The following TEAD3 variants were observed in gnomAD, a reference collection of about 807,000 sequenced individuals.
TEAD3 encodes the protein transcriptional enhancer factor TEF-5.
In TEAD3, 15 loss-of-function variants were observed where a neutral mutation model predicts 55.6. The observed-to-expected ratio is 0.27, with a 90% confidence interval of 0.18 to 0.42. The LOEUF (loss-of-function observed/expected upper bound fraction) is 0.42. Ranked by LOEUF, TEAD3 falls within the 10% of genes least tolerant of loss-of-function variation. The probability of loss-of-function intolerance (pLI) is 1.00; values close to 1 mark genes in which losing one functional copy is unlikely to be tolerated. For synonymous variants in TEAD3, 210 were observed against 232.2 expected, an observed-to-expected ratio of 0.90 and a Z score of 0.87; for missense variants, 407 against 576.8, an observed-to-expected ratio of 0.71 and a Z score of 3.01.
chr6:35,478,254 A>G, intron 7 of TEAD3, 21 bp downstream of exon 7: 2 of 1,612,700 alleles, frequency 1.2e-6, no homozygotes, highest in Non-Finnish European at 1.7e-6. Flanking sequence ...AGGGCGTGGG[A>G]TGATGAGCCA....
chr6:35,473,851 G>A (rs1191159906), downstream of TEAD3: 1 of 152,564 alleles, frequency 6.6e-6, no homozygotes, highest in African/African-American at 2.4e-5. Context: ...GGATGAGGAA[G>A]GGAAGGGGCA....
intron 1 of TEAD3, among the ~76,000 whole-genome samples, chr6:35,487,346 G>GT (rs1333014204): frequency 6.6e-6 from 1 of 152,152 alleles, no homozygotes; most frequent in Non-Finnish European, 1.5e-5. Context: ...GAGGTCAGGT[G>GT]TTTGAGACCA....
intron 1 of TEAD3, among the ~76,000 whole-genome samples, chr6:35,492,430 T>C (rs4713874): frequency 0.026 from 4,004 of 151,938 alleles, 79 homozygotes; most frequent in Middle Eastern, 0.071. Flanking sequence ...CAAGTAGGGA[T>C]GTATCTGTCT....
At chr6:35,487,187 A>G (rs1768403075) in intron 1 of TEAD3, among the ~76,000 whole-genome samples, 3 of 152,202 alleles carry the variant, frequency 2.0e-5, no homozygotes, top group South Asian at 4.1e-4. Context: ...TGGGAGGCCG[A>G]GGTGGGTGGA....
Position 35,476,351 on chromosome 6 carries a change from C to T in TEAD3, c.677G>A (p.Arg226Gln), listed in dbSNP as rs369194515. ...CATGAAGGCTGAATACTCCAGGAGCCGCAGCCGGGAGGAGGCAATGGTACG... is the reference window on the plus strand; with the variant it reads ...CATGAAGGCTGAATACTCCAGGAGCTGCAGCCGGGAGGAGGCAATGGTACG... Residue 226 changes from arginine (R) to glutamine (Q), a missense_variant, in exon 9 of 13, where the codon CGG becomes CAG. Physicochemically the swap from Arg to Gln is conservative, Grantham distance 43. Coordinates refer to ENST00000639578, the Ensembl canonical transcript of TEAD3. The T allele has an allele frequency of 9.9e-6, 16 of 1,612,540 alleles. No individual in the cohort carries two copies. Among genetic ancestry groups the T allele is most frequent in the East Asian group, 2.2e-5 (1 of 44,890 alleles).
chr6:35,486,708 G>A lies in TEAD3; in HGVS notation c.-46C>T, dbSNP rs766345913. The A allele has an allele frequency of 1.4e-5, 22 of 1,589,508 alleles. No homozygotes were observed. In the East Asian group the frequency reaches 3.6e-4, roughly 26 times the overall value. On this transcript the variant is annotated 5_prime_UTR_variant, in exon 2 of 13. Transcript: ENST00000639578. The surrounding 1 kb of genome is among the most constrained non-coding windows in gnomAD (Gnocchi z 7.3). ...CTGGGCCTGAGCCCACTGGGCGGCTGAGCCTGGGGGACAGACAGACAGGAA... is the reference window on the plus strand; with the variant it reads ...CTGGGCCTGAGCCCACTGGGCGGCTAAGCCTGGGGGACAGACAGACAGGAA...
rs896450758 is a variant in TEAD3, at chr6:35,496,289, C to T, written c.-50+609G>A. On this transcript the variant is annotated intron_variant, in intron 1 of 12. Coordinates refer to ENST00000639578, the Ensembl canonical transcript of TEAD3. This position sits in a 1 kb window ranked among gnomAD's most constrained non-coding sequence, Gnocchi z 4.8. Reference sequence around the variant, plus strand: ...CTCTGAATCAGCACCCCGACGCAGGCGGCAGAACTGAAGGGAACGTGAGCC... The same window carrying T: ...CTCTGAATCAGCACCCCGACGCAGGTGGCAGAACTGAAGGGAACGTGAGCC... Among the ~76,000 whole-genome samples, 3 of 152,180 alleles carry T rather than the reference C, an allele frequency of 2.0e-5. No individual in the cohort carries two copies. Among genetic ancestry groups the T allele is most frequent in the Non-Finnish European group, 4.4e-5 (3 of 68,032 alleles).
At chr6:35,480,002 C>T in intron 4 of TEAD3, 1 of 1,393,232 alleles carries the variant, frequency 7.2e-7, no homozygotes, top group Non-Finnish European at 9.7e-7. Context: ...AGAGCAGCGA[C>T]AGGCCTGCAC....
intron 4 of TEAD3, chr6:35,479,928 TTG>T: frequency 1.4e-6 from 1 of 725,796 alleles, no homozygotes; most frequent in Non-Finnish European, 2.1e-6. Flanking sequence ...CTGCTGCCAC[TTG>T]TGTTTCTTTC....
chr6:35,492,997 G>A (rs1768561287), intron 1 of TEAD3, among the ~76,000 whole-genome samples: 1 of 152,054 alleles, frequency 6.6e-6, no homozygotes, highest in Admixed American at 6.6e-5. Flanking sequence ...CCAGACTCCT[G>A]GTACTCTGGG....
At position 35,486,431 on chromosome 6, in the gene TEAD3, G is replaced by A. The variant is rs778041319; in HGVS notation, c.202+30C>T. 6 of 1,591,530 alleles carry A rather than the reference G, an allele frequency of 3.8e-6. No homozygotes were observed. The highest frequency in any genetic ancestry group is 2.7e-5 in the African/African-American group (2 of 74,676). ...AGGGCAGAGAGCAGGGGGAAGGGCC[G>A]CAGTCCCGCCCGCGCCCCCCGGCAC... On this transcript the variant is annotated intron_variant, in intron 2 of 12. Coordinates refer to ENST00000639578, the Ensembl canonical transcript of TEAD3. This position sits in a 1 kb window ranked among gnomAD's most constrained non-coding sequence, Gnocchi z 7.3.
At chr6:35,479,920 G>A in intron 4 of TEAD3, 1 of 655,798 alleles carries the variant, frequency 1.5e-6, no homozygotes, top group Admixed American at 3.1e-5. Flanking sequence ...TGGGCTTCCT[G>A]CTGCCACTTG....
rs905544666 is a variant in TEAD3, at chr6:35,485,466, C to T, written c.203-842G>A. Among the ~76,000 whole-genome samples, 18 of 152,196 alleles carry T rather than the reference C, an allele frequency of 1.2e-4. No homozygotes were observed. The highest frequency in any genetic ancestry group is 4.3e-4 in the African/African-American group (18 of 41,440). The stretch of plus-strand genomic sequence containing the variant: ...TGGTCAAGGTGTACACCTCTACCCC[C>T]AAATCCAGGCTCTCTGCCCTCCAAC... On this transcript the variant is annotated intron_variant, in intron 2 of 12. Transcript: ENST00000639578. The surrounding 1 kb of genome is among the most constrained non-coding windows in gnomAD (Gnocchi z 4.3).
In TEAD3 at chr6:35,475,539, A is replaced by T; in HGVS notation, c.1041+27T>A. On this transcript the variant is annotated intron_variant, in intron 11 of 12. Transcript: ENST00000639578. This position sits in a 1 kb window ranked among gnomAD's most constrained non-coding sequence, Gnocchi z 5.4. ...ACTCGGCCTGCCTGCTCCCAGCCCC[A>T]CCAAGCCACCCAGAGCCCCCACTCA... 1 of 1,603,910 alleles carries T rather than the reference A, an allele frequency of 6.2e-7. No homozygotes were observed. The highest frequency in any genetic ancestry group is 2.2e-5 in the East Asian group (1 of 44,712).
intron 3 of TEAD3, 27 bp downstream of exon 4, chr6:35,480,285 A>G (rs1305424214): frequency 6.2e-7 from 1 of 1,611,568 alleles, no homozygotes; most frequent in East Asian, 2.2e-5. Context: ...AGGAGGGCTG[A>G]AGGCCCCCGC....
rs541093272 is a variant in TEAD3 at position 35,485,408 on chromosome 6, T to C, written c.203-784A>G. Among the ~76,000 whole-genome samples, 2 of 152,240 alleles carry C rather than the reference T, an allele frequency of 1.3e-5. No homozygotes were observed. Among genetic ancestry groups the C allele is most frequent in the East Asian group, 3.9e-4 (2 of 5,168 alleles). Reference sequence around the variant, plus strand: ...CAGGGACTTGGGCCTGAAAGGGGGATGCCTGGGCCACACGGCTGAGCCCAA... The same window carrying C: ...CAGGGACTTGGGCCTGAAAGGGGGACGCCTGGGCCACACGGCTGAGCCCAA... On this transcript the variant is annotated intron_variant, in intron 2 of 12. Coordinates refer to ENST00000639578, the Ensembl canonical transcript of TEAD3. This position sits in a 1 kb window ranked among gnomAD's most constrained non-coding sequence, Gnocchi z 4.3.
intron 1 of TEAD3, among the ~76,000 whole-genome samples, chr6:35,489,033 A>G (rs1189115244): frequency 6.6e-6 from 1 of 152,270 alleles, no homozygotes; most frequent in Non-Finnish European, 1.5e-5. Flanking sequence ...TTGGGATTAC[A>G]GGCGTGAGCC....
At chr6:35,477,423 C>T (rs534330739) in intron 7 of TEAD3, 51 bp from the exon 8 acceptor site, 4 of 1,541,084 alleles carry the variant, frequency 2.6e-6, no homozygotes, top group East Asian at 2.3e-5. Flanking sequence ...CCCTACCTTC[C>T]ACCTGGCCCA....
In TEAD3 at chr6:35,491,612, G is replaced by A. The variant is rs1768521176; in HGVS notation, c.-49-4901C>T. On this transcript the variant is annotated intron_variant, in intron 1 of 12. Transcript: ENST00000639578. The surrounding 1 kb of genome is among the most constrained non-coding windows in gnomAD (Gnocchi z 4.4). ...TCTGCCTCTGCAGAGGAGTCCTGTT[G>A]TACCTGTCCTGCAAACCCGCCAGCA... Among the ~76,000 whole-genome samples the A allele has an allele frequency of 6.6e-6, 1 of 152,162 alleles. No individual in the cohort carries two copies. The highest frequency in any genetic ancestry group is 1.5e-5 in the Non-Finnish European group (1 of 68,002).
Sources: gnomAD v4.1 joint callset for allele counts (sites outside exome capture counted in the v4.1 genomes callset) on GRCh38, gnomAD v4.1.1 for gene constraint, Gnocchi (gnomAD v3.1) non-coding constraint, MANE v1.5 for transcripts, NCBI Gene and HGNC (gene_info 2026-07-23, HGNC 2026-07-21) for gene names.